DBET: variants seen among roughly 807,000 people sequenced by gnomAD.
The protein encoded by DBET is D4Z4 binding element transcript (non-protein coding).
exon 1 of DBET, chr4:190,064,925 G>T (rs1740574768): frequency 1.3e-5 from 3 of 235,736 alleles, no homozygotes; most frequent in Non-Finnish European, 2.4e-5. Context: ...ACTGTTTTCA[G>T]AAAGCCTACT....
rs1378189140 is a variant in DBET, at chr4:190,064,873, C to A, written n.372C>A. 4.3e-4 allele frequency: 70 copies of A among 163,300 alleles called. 10 individuals carry two copies. The highest frequency in any genetic ancestry group is 8.6e-4 in the Non-Finnish European group (70 of 81,406). 10.1% of individuals were successfully genotyped at this position (163,300 alleles called of 1,614,324 possible). On this transcript the variant is annotated non_coding_transcript_exon_variant, in exon 1 of 1. Coordinates refer to ENST00000630918, the Ensembl canonical transcript of DBET. ...ACCCTATTAAACGTCACGGACAAGG[C>A]CAGAGTTTGAATATACTGTGGTCAT...
At chr4:190,064,675 C>T (rs1740566420) in exon 1 of DBET, 1 of 133,672 alleles carries the variant, frequency 7.5e-6, no homozygotes, top group South Asian at 2.2e-4. Flanking sequence ...CATTTCAACA[C>T]ATATTCTACT....
Position 190,067,637 on chromosome 4 carries a change from T to TCCCCCCCCCCCCCCCCCCCCCCCCAC in DBET, n.3157_3158insCCCACCCCCCCCCCCCCCCCCCCCCC. ...CACCACCACCACCGCCACCACGCCC[T>TCCCCCCCCCCCCCCCCCCCCCCCCAC]CCCCCCCCCCCCCCCCCCCCCACCA... is the stretch of plus-strand genomic sequence containing the variant. On this transcript the variant is annotated non_coding_transcript_exon_variant, in exon 1 of 1. Coordinates refer to ENST00000630918, the Ensembl canonical transcript of DBET. The TCCCCCCCCCCCCCCCCCCCCCCCCAC allele has an allele frequency of 2.7e-5, 3 of 110,436 alleles. 1 individual carries two copies. The highest frequency in any genetic ancestry group is 9.3e-5 in the South Asian group (2 of 21,448). 6.8% of individuals were successfully genotyped at this position (110,436 alleles called of 1,614,324 possible). A position where few individuals can be genotyped will look rare whatever the true frequency, so the allele number is the denominator to read the frequency against.
At position 190,065,607 on chromosome 4, in the gene DBET, G is replaced by T. The variant is rs868948480; in HGVS notation, n.1106G>T. The T allele has an allele frequency of 2.5e-4, 16 of 63,450 alleles. No individual in the cohort carries two copies. In the South Asian group the frequency reaches 4.3e-3, roughly 17 times the overall value. 3.9% of individuals were successfully genotyped at this position (63,450 alleles called of 1,614,324 possible). A position where few individuals can be genotyped will look rare whatever the true frequency, so the allele number is the denominator to read the frequency against. ...GGGGTCCCCAGGTCGCCGGGGCGGC[G>T]TGGGAACCCCAAGCCGGGGCAGCTC... On this transcript the variant is annotated non_coding_transcript_exon_variant, in exon 1 of 1. Transcript: ENST00000630918.
exon 1 of DBET, chr4:190,064,812 C>A (rs369706403): frequency 7.5e-6 from 1 of 133,962 alleles, no homozygotes. Context: ...AATTTCTGCA[C>A]CAATGAAAAA....
chr4:190,065,029 T>A (rs1232787547), exon 1 of DBET: 7 of 428,796 alleles, frequency 1.6e-5, no homozygotes, highest in East Asian at 3.5e-5. Context: ...TCCCAGAATC[T>A]TAAAGTGCAT....
At chr4:190,064,993 C>A (rs1199095912) in exon 1 of DBET, 1 of 385,360 alleles carries the variant, frequency 2.6e-6, no homozygotes. Flanking sequence ...TTCTACTCTG[C>A]AATCCCCTAA....
At chr4:190,065,142 T>A (rs1740583916) in exon 1 of DBET, 1 of 482,210 alleles carries the variant, frequency 2.1e-6, no homozygotes, top group Non-Finnish European at 3.7e-6. Flanking sequence ...TGCACACTTC[T>A]GGAGACCCTT....
At chr4:190,064,931 C>A in exon 1 of DBET, 1 of 246,634 alleles carries the variant, frequency 4.1e-6, no homozygotes, top group South Asian at 8.3e-5. Flanking sequence ...TTCAGAAAGC[C>A]TACTTCTATT....
exon 1 of DBET, chr4:190,065,404 C>A: frequency 3.4e-6 from 1 of 294,922 alleles, no homozygotes; most frequent in Non-Finnish European, 5.7e-6. Context: ...CTCCCACCCT[C>A]AGGCTCCTCG....
At position 190,065,203 on chromosome 4, in the gene DBET, G is replaced by C. The variant is rs1553971485; in HGVS notation, n.702G>C. The stretch of plus-strand genomic sequence containing the variant: ...TGTGCCTCAAGTCAGAAGTGTGTGA[G>C]GGGAGATGGGGAGACATTGGGATGC... On this transcript the variant is annotated non_coding_transcript_exon_variant, in exon 1 of 1. Transcript: ENST00000630918. 6 of 583,232 alleles carry C rather than the reference G, an allele frequency of 1.0e-5. 1 individual carries two copies. Among genetic ancestry groups the C allele is most frequent in the Non-Finnish European group, 1.8e-5 (6 of 326,042 alleles). The allele number at this position is 583,232 out of a possible 1,614,324, so 36.1% of individuals were successfully genotyped here.
chr4:190,065,099 T>C, exon 1 of DBET: 1 of 464,014 alleles, frequency 2.2e-6, no homozygotes, highest in East Asian at 3.4e-5. Context: ...TCTGACTAGT[T>C]TGGCATTGCT....
exon 1 of DBET, chr4:190,065,665 C>T (rs1364092833): frequency 5.4e-5 from 1 of 18,446 alleles, no homozygotes. Flanking sequence ...CGGACGCCTC[C>T]GCCTCCGCGC....
At chr4:190,064,585 T>C (rs1333952380) in exon 1 of DBET, 1 of 139,408 alleles carries the variant, frequency 7.2e-6, no homozygotes, top group Admixed American at 7.0e-5. Flanking sequence ...CTGTCATCTA[T>C]ATGACTCCAT....
Position 190,065,214 on chromosome 4 carries a change from G to A in DBET, n.713G>A, listed in dbSNP as rs781836650. ...TCAGAAGTGTGTGAGGGGAGATGGG[G>A]AGACATTGGGATGCGCGCGCCTGGG... On this transcript the variant is annotated non_coding_transcript_exon_variant, in exon 1 of 1. Transcript: ENST00000630918. The A allele has an allele frequency of 3.6e-3, 2,062 of 579,984 alleles. 153 individuals are homozygous for A. Among genetic ancestry groups the A allele is most frequent in the Non-Finnish European group, 4.3e-3 (1,391 of 324,840 alleles). 35.9% of individuals were successfully genotyped at this position (579,984 alleles called of 1,614,324 possible).
exon 1 of DBET, chr4:190,066,938 C>T (rs1478828639): frequency 2.8e-5 from 2 of 71,202 alleles, no homozygotes; most frequent in South Asian, 9.1e-4. Context: ...GGTTCACAGA[C>T]CGCACATCCC....
exon 1 of DBET, chr4:190,064,964 AT>A (rs1209862057): frequency 3.2e-6 from 1 of 308,716 alleles, no homozygotes; most frequent in East Asian, 4.3e-5. Flanking sequence ...ACAGAGGAAC[AT>A]TTCCTGTCTT....
chr4:190,065,154 T>C lies in DBET; in HGVS notation n.653T>C, dbSNP rs1422608054. On this transcript the variant is annotated non_coding_transcript_exon_variant, in exon 1 of 1. Transcript: ENST00000630918. ...CTGTGCACACTTCTGGAGACCCTTG[T>C]CATGCCATTATTTATAAATCTATTG... 2.2e-5 allele frequency: 11 copies of C among 494,740 alleles called. 2 individuals are homozygous for C. The highest frequency in any genetic ancestry group is 3.6e-5 in the Non-Finnish European group (10 of 277,326). 30.6% of individuals were successfully genotyped at this position (494,740 alleles called of 1,614,324 possible).
chr4:190,064,623 G>GAGAA (rs1321556844), exon 1 of DBET: 3 of 137,886 alleles, frequency 2.2e-5, no homozygotes, highest in Admixed American at 2.1e-4. Flanking sequence ...CACATCAGGA[G>GAGAA]AGAAAGAATC....
Sources: allele counts gnomAD v4.1 joint callset, GRCh38; gene constraint gnomAD v4.1.1; transcripts MANE v1.5; gene names NCBI Gene and HGNC (gene_info 2026-07-23, HGNC 2026-07-21).